The following PAQR5 variants were observed in gnomAD, a reference collection of about 807,000 sequenced individuals.
PAQR5 encodes the protein membrane progestin receptor gamma.
Under a neutral mutation model 34.5 loss-of-function variants are expected in PAQR5, and 20 were observed. The ratio of observed to expected loss-of-function variants is 0.58; its 90% CI spans 0.41 to 0.84. The LOEUF (loss-of-function observed/expected upper bound fraction) is 0.84. Ranked by LOEUF, PAQR5 falls within the 40% of genes least tolerant of loss-of-function variation. The probability of loss-of-function intolerance (pLI) is 0.00; values close to 1 mark genes in which losing one functional copy is unlikely to be tolerated. For synonymous variants in PAQR5, 131 were observed against 155.6 expected (o/e 0.84, Z 1.18); for missense variants, 378 against 412.7 (o/e 0.92, Z 0.73).
At chr15:69,305,132 G>A (rs2415040) in intron 1 of PAQR5, among the ~76,000 whole-genome samples, 1 of 151,908 alleles carries the variant, frequency 6.6e-6, no homozygotes, top group Non-Finnish European at 1.5e-5. Context: ...GGAGAGGGGG[G>A]ATGTGCTGTG....
At chr15:69,356,712 C>A (rs1298922292) in intron 2 of PAQR5, among the ~76,000 whole-genome samples, 3 of 152,130 alleles carry the variant, frequency 2.0e-5, no homozygotes, top group Admixed American at 2.0e-4. Flanking sequence ...ACTCCAGGTG[C>A]CTTGTACCTG....
At position 69,406,105 on chromosome 15, in the gene PAQR5, G is replaced by A. The variant is rs1019215157; in HGVS notation, c.*2283G>A. ...AGGGGGTCAGCTGAAGACCTCACTG[G>A]AGTGGGTCTTAATTTTTAAAAAGTG... On this transcript the variant is annotated 3_prime_UTR_variant, in exon 9 of 9. Coordinates refer to ENST00000395407, the MANE Select transcript of PAQR5 (RefSeq NM_017705.4). The A allele has an allele frequency of 2.0e-5, 3 of 152,164 alleles. No individual in the cohort carries two copies. Among genetic ancestry groups the A allele is most frequent in the Non-Finnish European group, 2.9e-5 (2 of 68,036 alleles). 9.4% of individuals were successfully genotyped at this position (152,164 alleles called of 1,614,324 possible).
chr15:69,305,919 A>G (rs1277750944), intron 1 of PAQR5, among the ~76,000 whole-genome samples: 1 of 152,178 alleles, frequency 6.6e-6, no homozygotes, highest in Non-Finnish European at 1.5e-5. Context: ...GAAGTAAATC[A>G]CTGTCTCTGG....
chr15:69,344,984 C>T (rs2054730756), intron 2 of PAQR5, among the ~76,000 whole-genome samples: 1 of 152,024 alleles, frequency 6.6e-6, no homozygotes, highest in African/African-American at 2.4e-5. Context: ...GTACTAGCTA[C>T]TTGGGAGGCT....
chr15:69,379,803 C>A, intron 3 of PAQR5, 80 bp from the exon 4 acceptor site: 1 of 1,518,562 alleles, frequency 6.6e-7, no homozygotes. Context: ...ACACAGAGCA[C>A]GGCCTGGAAG....
chr15:69,365,619 G>T (rs2055382360), intron 3 of PAQR5, among the ~76,000 whole-genome samples: 1 of 152,182 alleles, frequency 6.6e-6, no homozygotes. Flanking sequence ...GGATCTTTAA[G>T]TCTATTAATG....
chr15:69,397,194 C>A (rs774033756), intron 6 of PAQR5: 1 of 603,218 alleles, frequency 1.7e-6, no homozygotes, highest in Non-Finnish European at 3.1e-6. Context: ...GGGTTTCTGC[C>A]CAGCGCCTCC....
At chr15:69,376,489 G>C (rs942153894) in intron 3 of PAQR5, among the ~76,000 whole-genome samples, 13 of 152,156 alleles carry the variant, frequency 8.5e-5, no homozygotes, top group African/African-American at 3.1e-4. Flanking sequence ...CCTAGTAATA[G>C]GGTTCCATAG....
intron 6 of PAQR5, among the ~76,000 whole-genome samples, chr15:69,392,849 G>A (rs1249255506): frequency 3.3e-5 from 5 of 152,130 alleles, no homozygotes; most frequent in African/African-American, 7.2e-5. Flanking sequence ...CTACAGAGAG[G>A]GTGGGCCAGG....
chr15:69,393,991 A>G (rs2056341468), intron 6 of PAQR5, among the ~76,000 whole-genome samples: 1 of 152,138 alleles, frequency 6.6e-6, no homozygotes. Context: ...TGGCCTGCTC[A>G]TGCCTGCACA....
intron 3 of PAQR5, among the ~76,000 whole-genome samples, chr15:69,367,512 C>T (rs964704509): frequency 2.6e-5 from 4 of 152,080 alleles, no homozygotes; most frequent in Non-Finnish European, 5.9e-5. Flanking sequence ...ACTGAGACAC[C>T]CAGGCAGCCA....
At chr15:69,401,713 T>G (rs1465905042) in intron 8 of PAQR5, among the ~76,000 whole-genome samples, 1 of 152,228 alleles carries the variant, frequency 6.6e-6, no homozygotes, top group Non-Finnish European at 1.5e-5. Context: ...GACAGATCAT[T>G]AACAAGATTT....
intron 1 of PAQR5, among the ~76,000 whole-genome samples, chr15:69,313,895 G>A (rs1268927410): frequency 6.6e-6 from 1 of 152,096 alleles, no homozygotes; most frequent in Non-Finnish European, 1.5e-5. Context: ...GGGAGTCCTG[G>A]GGGGGCTGCA....
In PAQR5 at chr15:69,300,873, CTTTCTTTCTTTCTTTCTTT is replaced by C. The variant is rs1454543714; in HGVS notation, c.-277+1818_-277+1836del. Among the ~76,000 whole-genome samples, 41 of 24,096 alleles carry C rather than the reference CTTTCTTTCTTTCTTTCTTT, an allele frequency of 1.7e-3. 9 individuals carry two copies. Among genetic ancestry groups the C allele is most frequent in the African/African-American group, 4.4e-3 (39 of 8,942 alleles). The allele number at this position is 24,096 out of a possible 152,430, so 15.8% of individuals were successfully genotyped here. A position where few individuals can be genotyped will look rare whatever the true frequency, so the allele number is the denominator to read the frequency against. The stretch of plus-strand genomic sequence containing the variant: ...TCTTTCTTTCTTTCTTTCTTTCTTT[CTTTCTTTCTTTCTTTCTTT>C]CTTCCTTCCTTCCTTCCTTCCTTTC... On this transcript the variant is annotated intron_variant, in intron 1 of 8. Transcript: ENST00000395407.
chr15:69,349,243 C>A (rs1019713272), intron 2 of PAQR5, among the ~76,000 whole-genome samples: 2 of 152,184 alleles, frequency 1.3e-5, no homozygotes. Context: ...CTCTCCAAGG[C>A]AGTTGCCAAG....
At chr15:69,396,786 C>G in intron 6 of PAQR5, 1 of 259,922 alleles carries the variant, frequency 3.8e-6, no homozygotes, top group Admixed American at 5.2e-5. Flanking sequence ...GAGGCCCTGT[C>G]ATGTTCTGTC....
At chr15:69,358,562 C>T (rs1162842153) in intron 2 of PAQR5, among the ~76,000 whole-genome samples, 4 of 151,514 alleles carry the variant, frequency 2.6e-5, no homozygotes, top group Admixed American at 2.6e-4. Flanking sequence ...TTATTCCGCC[C>T]CTCCCACCTT....
Position 69,406,111 on chromosome 15 carries a change from G to T in PAQR5, c.*2289G>T, listed in dbSNP as rs974460387. 27 of 152,152 alleles carry T rather than the reference G, an allele frequency of 1.8e-4. No individual in the cohort carries two copies. The highest frequency in any genetic ancestry group is 6.5e-4 in the African/African-American group (27 of 41,430). The allele number at this position is 152,152 out of a possible 1,614,324, so 9.4% of individuals were successfully genotyped here. ...TCAGCTGAAGACCTCACTGGAGTGG[G>T]TCTTAATTTTTAAAAAGTGTCTCAC... On this transcript the variant is annotated 3_prime_UTR_variant, in exon 9 of 9. Coordinates refer to ENST00000395407, the MANE Select transcript of PAQR5 (RefSeq NM_017705.4).
intron 2 of PAQR5, among the ~76,000 whole-genome samples, chr15:69,342,355 T>C (rs963752881): frequency 1.3e-5 from 2 of 152,018 alleles, no homozygotes; most frequent in African/African-American, 4.8e-5. Context: ...AAATATCTAT[T>C]CAAGCCATTT....
Sources: gnomAD v4.1 joint callset for allele counts (sites outside exome capture counted in the v4.1 genomes callset) on GRCh38, gnomAD v4.1.1 for gene constraint, MANE v1.5 for transcripts, NCBI Gene and HGNC (gene_info 2026-07-23, HGNC 2026-07-21) for gene names.